The following NCKAP5L variants were observed in gnomAD, a reference collection of about 807,000 sequenced individuals.
NCKAP5L encodes the protein NCK associated protein 5 like.
Under a neutral mutation model 103.2 loss-of-function variants are expected in NCKAP5L, and 54 were observed. The ratio of observed to expected loss-of-function variants is 0.52; its 90% CI spans 0.42 to 0.66. NCKAP5L has a LOEUF of 0.66. Among genes scored for constraint, NCKAP5L ranks in the 30% least tolerant of loss-of-function variants. NCKAP5L has a pLI of 0.00. For missense variants in NCKAP5L, 1,733 were observed against 1,750.6 expected, an observed-to-expected ratio of 0.99 and a Z score of 0.18; for synonymous variants, 762 against 748.6, an observed-to-expected ratio of 1.02 and a Z score of -0.29.
intron 6 of NCKAP5L, among the ~76,000 whole-genome samples, chr12:49,798,748 T>C (rs1946087585): frequency 6.6e-6 from 1 of 152,162 alleles, no homozygotes; most frequent in Non-Finnish European, 1.5e-5. Flanking sequence ...TCTGGGTGCC[T>C]TTCTTAGCTC....
chr12:49,793,946 C>A lies in NCKAP5L; in HGVS notation c.3096-50G>T, dbSNP rs569325591. The A allele has an allele frequency of 8.5e-6, 12 of 1,415,216 alleles. No individual in the cohort carries two copies. In the South Asian group the frequency reaches 9.9e-5, roughly 12 times the overall value. 87.7% of individuals were successfully genotyped at this position (1,415,216 alleles called of 1,614,324 possible). On this transcript the variant is annotated intron_variant, in intron 8 of 12. Coordinates refer to ENST00000335999, the MANE Select transcript of NCKAP5L (RefSeq NM_001037806.4). Reference sequence around the variant, plus strand: ...GTGAGGGTGGTCTTGCCTGCCCAGACATTCCAGCCTTGCACCCGCCAATGG... The same window carrying A: ...GTGAGGGTGGTCTTGCCTGCCCAGAAATTCCAGCCTTGCACCCGCCAATGG...
chr12:49,824,755 C>T (rs1427290820), intron 1 of NCKAP5L, among the ~76,000 whole-genome samples: 1 of 152,216 alleles, frequency 6.6e-6, no homozygotes, highest in Non-Finnish European at 1.5e-5. Flanking sequence ...TCCTGAGAAA[C>T]CACAAGGGCC....
At chr12:49,821,633 TC>T (rs1946363059) in intron 1 of NCKAP5L, among the ~76,000 whole-genome samples, 1 of 152,254 alleles carries the variant, frequency 6.6e-6, no homozygotes, top group African/African-American at 2.4e-5. Flanking sequence ...GAGCACTTGC[TC>T]TTATAGCACA....
intron 2 of NCKAP5L, 142 bp from the exon 3 acceptor site, chr12:49,804,222 TCACGGGG>T: frequency 1.5e-6 from 1 of 671,738 alleles, no homozygotes. Flanking sequence ...CTGGTCACGG[TCACGGGG>T]CAGACAACAC....
intron 1 of NCKAP5L, among the ~76,000 whole-genome samples, chr12:49,827,470 G>T (rs1009158567): frequency 6.6e-6 from 1 of 152,246 alleles, no homozygotes; most frequent in African/African-American, 2.4e-5. Context: ...CCTTGGGGCC[G>T]TGCCAGGACT....
chr12:49,798,680 C>T (rs1946086797), intron 6 of NCKAP5L, among the ~76,000 whole-genome samples: 1 of 152,156 alleles, frequency 6.6e-6, no homozygotes, highest in Non-Finnish European at 1.5e-5. Flanking sequence ...TGAGACTGGT[C>T]AGAGGGCTTT....
chr12:49,820,552 T>C (rs971150290), intron 1 of NCKAP5L, among the ~76,000 whole-genome samples: 2 of 152,188 alleles, frequency 1.3e-5, no homozygotes, highest in African/African-American at 4.8e-5. Flanking sequence ...CCTGACCTTG[T>C]GATCCACCCA....
chr12:49,802,866 G>A (rs1379181525), intron 5 of NCKAP5L, 92 bp downstream of exon 5: 2 of 1,413,858 alleles, frequency 1.4e-6, no homozygotes, highest in Admixed American at 2.1e-5. Context: ...TCACTGGAGG[G>A]CAACAGCCCA....
chr12:49,794,990 T>C lies in NCKAP5L; in HGVS notation c.2870A>G (p.Glu957Gly). The C allele has an allele frequency of 3.8e-6, 6 of 1,595,596 alleles. No homozygotes were observed. The highest frequency in any genetic ancestry group is 5.1e-6 in the Non-Finnish European group (6 of 1,171,682). Residue 957 changes from glutamate to glycine, a missense_variant, in exon 8 of 13, where the codon GAA (glutamate) becomes GGA (glycine). Transcript: ENST00000335999. ...GCTCTCGGCCTCCAGCTTCCGGGCT[T>C]CCATCTTGACTTCCCTCCGGAGCGG... ...GSPLRREVKMEARKLEAESLN... is the reference protein window; with the variant it reads ...GSPLRREVKMGARKLEAESLN...
At chr12:49,793,977 G>A in intron 8 of NCKAP5L, 81 bp from the exon 9 acceptor site, 1 of 1,272,334 alleles carries the variant, frequency 7.9e-7, no homozygotes, top group Non-Finnish European at 1.0e-6. Context: ...AATGGTGCTG[G>A]GCTTAGGGAG....
chr12:49,826,201 A>G (rs1468428983), intron 1 of NCKAP5L, among the ~76,000 whole-genome samples: 1 of 152,046 alleles, frequency 6.6e-6, no homozygotes, highest in African/African-American at 2.4e-5. Context: ...CTCCTCCTAT[A>G]AGAGGGCGGG....
In NCKAP5L at chr12:49,792,112, G is replaced by A. The variant is rs1945945792; in HGVS notation, c.3793-61C>T. ...CTCCACCTTTCGGCCCAGCCTCAGA[G>A]GCACTGAGCTCTGAGGGGCGTCTGT... On this transcript the variant is annotated intron_variant, in intron 12 of 12. Transcript: ENST00000335999. The surrounding 1 kb of genome is among the most constrained non-coding windows in gnomAD (Gnocchi z 4.5). 6.4e-6 allele frequency: 9 copies of A among 1,407,744 alleles called. No individual in the cohort carries two copies. The highest frequency in any genetic ancestry group is 1.4e-5 in the South Asian group (1 of 70,224). 87.2% of individuals were successfully genotyped at this position (1,407,744 alleles called of 1,614,324 possible).
intron 1 of NCKAP5L, among the ~76,000 whole-genome samples, chr12:49,812,696 G>C (rs1398259437): frequency 6.6e-6 from 1 of 152,118 alleles, no homozygotes; most frequent in South Asian, 2.1e-4. Flanking sequence ...CCTTTGTATG[G>C]GTGAACAGTG....
intron 6 of NCKAP5L, 88 bp downstream of exon 6, chr12:49,801,760 G>A: frequency 2.0e-6 from 3 of 1,516,234 alleles, no homozygotes; most frequent in Non-Finnish European, 2.7e-6. Context: ...TGCTTCCCTA[G>A]GGGCACGTGA....
intron 1 of NCKAP5L, among the ~76,000 whole-genome samples, chr12:49,818,773 C>G (rs528538389): frequency 6.6e-5 from 10 of 152,060 alleles, no homozygotes; most frequent in African/African-American, 2.2e-4. Flanking sequence ...TTACCTCATA[C>G]ATTTAGAATA....
intron 1 of NCKAP5L, among the ~76,000 whole-genome samples, chr12:49,818,196 T>C (rs1251483826): frequency 6.8e-6 from 1 of 147,380 alleles, no homozygotes; most frequent in African/African-American, 2.5e-5. Context: ...TAGGAGAAAA[T>C]AAAATACAGG....
chr12:49,809,301 A>AC (rs1158451970), intron 1 of NCKAP5L, among the ~76,000 whole-genome samples: 4 of 151,874 alleles, frequency 2.6e-5, no homozygotes. Context: ...CACAGGCAAG[A>AC]CCCCTCCCTG....
intron 10 of NCKAP5L, 53 bp from the exon 11 acceptor site, chr12:49,793,039 C>T (rs578049466): frequency 1.5e-5 from 20 of 1,349,596 alleles, no homozygotes; most frequent in Admixed American, 5.3e-5. Flanking sequence ...GCTCAGTCCC[C>T]GGCCTGCCTC....
At position 49,801,881 on chromosome 12, in the gene NCKAP5L, C is replaced by A. The variant is rs763218776; in HGVS notation, c.318G>T (p.Gln106His). The change falls in exon 6 of 13, where the codon CAG becomes CAT. Residue 106 changes from glutamine (Q) to histidine (H), a missense_variant. Coordinates refer to ENST00000335999, the MANE Select transcript of NCKAP5L (RefSeq NM_001037806.4). ...GCGAGCCTGTCGTGAGCTGGAGTTT[C>A]TGCTGAAACAGGGCACTCAGCATCT... is the stretch of plus-strand genomic sequence containing the variant. The part of the protein sequence containing the change: ...QNQMLSALFQ[Q>H]KLQLTTGSLP... The A allele has an allele frequency of 6.2e-7, 1 of 1,614,006 alleles. No homozygotes were observed. The highest frequency in any genetic ancestry group is 8.5e-7 in the Non-Finnish European group (1 of 1,179,892).
Sources: allele counts gnomAD v4.1 joint callset (sites outside exome capture counted in the v4.1 genomes callset), GRCh38; gene constraint gnomAD v4.1.1; non-coding constraint Gnocchi (gnomAD v3.1); transcripts MANE v1.5; gene names NCBI Gene and HGNC (gene_info 2026-07-23, HGNC 2026-07-21).